UGT1A3: variants seen among roughly 807,000 people sequenced by gnomAD.
The protein encoded by UGT1A3 is UDP glucuronosyltransferase family 1 member A3, also known as UDP-glucuronosyltransferase 1A3.
Under a neutral mutation model 41.0 loss-of-function variants are expected in UGT1A3, and 31 were observed. That is an observed-to-expected ratio of 0.76 (90% CI 0.57 to 1.02). The LOEUF is 1.02. Ranked by LOEUF, UGT1A3 falls within the 50% of genes least tolerant of loss-of-function variation. UGT1A3 has a pLI of 0.00. For missense variants in UGT1A3, 737 were observed against 671.0 expected (o/e 1.10, Z -1.09); for synonymous variants, 262 against 257.6 (o/e 1.02, Z -0.17).
In UGT1A3 at chr2:233,768,364, G is replaced by C; in HGVS notation, c.1232G>C (p.Gly411Ala). ...AAGCGCATGGAGACTAAGGGAGCTG[G>C]AGTGACCCTGAATGTTCTGGAAATG... is the stretch of plus-strand genomic sequence containing the variant. ...NAKRMETKGAGVTLNVLEMTS... is the reference protein window; with the variant it reads ...NAKRMETKGAAVTLNVLEMTS... The change falls in exon 4 of 5, where the codon GGA (glycine) becomes GCA (alanine). Residue 411 changes from glycine (G) to alanine (A), a missense_variant. Physicochemically the swap from Gly to Ala is moderately conservative, Grantham distance 60. Transcript: ENST00000482026. 2 of 1,614,172 alleles carry C rather than the reference G, an allele frequency of 1.2e-6. No homozygotes were observed. The highest frequency in any genetic ancestry group is 1.7e-6 in the Non-Finnish European group (2 of 1,180,034).
chr2:233,753,461 T>C (rs1419895967), intron 1 of UGT1A3: 1 of 152,272 alleles, frequency 6.6e-6, no homozygotes, highest in Non-Finnish European at 1.5e-5. Context: ...ATGATTTTTC[T>C]GTAAAAAATT....
intron 1 of UGT1A3, among the ~76,000 whole-genome samples, chr2:233,748,701 G>A (rs1009365045): frequency 6.6e-6 from 1 of 151,652 alleles, no homozygotes; most frequent in Non-Finnish European, 1.5e-5. Context: ...TTCTGGTCAG[G>A]ATTTGGGGTC....
intron 1 of UGT1A3, chr2:233,754,945 G>A (rs1342760083): frequency 7.5e-7 from 1 of 1,327,414 alleles, no homozygotes; most frequent in Admixed American, 1.9e-5. Flanking sequence ...AAGGAGAATG[G>A]GTCCCGGCCG....
At position 233,729,225 on chromosome 2, in the gene UGT1A3, G is replaced by T; in HGVS notation, c.99G>T (p.Val33=). ...QPWAESGKVL[V]VPIDGSHWLS... ...GGGCTGAGAGTGGAAAGGTGTTGGT[G>T]GTGCCCATTGATGGCAGCCACTGGC... The change falls in exon 1 of 5, where the codon GTG becomes GTT. Residue 33 remains valine, a synonymous_variant. Coordinates refer to ENST00000482026, the MANE Select transcript of UGT1A3 (RefSeq NM_019093.4). 6.2e-7 allele frequency: 1 copy of T among 1,614,158 alleles called. No individual in the cohort carries two copies. Among genetic ancestry groups the T allele is most frequent in the South Asian group, 1.1e-5 (1 of 91,078 alleles).
chr2:233,752,703 T>C (rs538720487), intron 1 of UGT1A3, among the ~76,000 whole-genome samples: 5 of 152,298 alleles, frequency 3.3e-5, no homozygotes, highest in African/African-American at 7.2e-5. Context: ...TAGTGGGGTA[T>C]GATCTTGCCT....
intron 1 of UGT1A3, among the ~76,000 whole-genome samples, chr2:233,732,197 G>T (rs1458776605): frequency 6.6e-6 from 1 of 152,132 alleles, no homozygotes; most frequent in Non-Finnish European, 1.5e-5. Flanking sequence ...TTAGCCCTTT[G>T]TCAGATGGGT....
chr2:233,754,484 A>G (rs1052764550), intron 1 of UGT1A3: 3 of 358,432 alleles, frequency 8.4e-6, no homozygotes, highest in African/African-American at 2.1e-5. Context: ...TTCACTTTCA[A>G]TCCTAAAAAA....
rs192933567 is a variant in UGT1A3, at chr2:233,772,247, T to G, written c.1308-15T>G. On this transcript the variant is annotated splice_polypyrimidine_tract_variant and intron_variant, in intron 4 of 4. Transcript: ENST00000482026. ...ACAGGTGTTCCAGGCATAACGAAAC[T>G]GTCTTTGTGTTTAGTTACAAGGAGA... The G allele has an allele frequency of 2.9e-5, 47 of 1,614,208 alleles. No homozygotes were observed. The East Asian group carries it at 1.0e-3, about 35-fold the overall frequency.
At position 233,772,285 on chromosome 2, in the gene UGT1A3, T is replaced by C. The variant is rs758411577; in HGVS notation, c.1331T>C (p.Leu444Pro). The change falls in exon 5 of 5, where the codon CTC becomes CCC. Residue 444 changes from leucine to proline, a missense_variant. Leu to Pro is a moderately conservative substitution (Grantham distance 98). Coordinates refer to ENST00000482026, the MANE Select transcript of UGT1A3 (RefSeq NM_019093.4). ...DKSYKENIMRLSSLHKDRPVE... is the reference protein window; with the variant it reads ...DKSYKENIMRPSSLHKDRPVE... ...AGTTACAAGGAGAACATCATGCGCC[T>C]CTCCAGCCTTCACAAGGACCGCCCG... 3.1e-6 allele frequency: 5 copies of C among 1,614,220 alleles called. No individual in the cohort carries two copies. The highest frequency in any genetic ancestry group is 3.4e-6 in the Non-Finnish European group (4 of 1,180,040).
chr2:233,763,026 C>T (rs1324231755), intron 1 of UGT1A3, among the ~76,000 whole-genome samples: 1 of 152,138 alleles, frequency 6.6e-6, no homozygotes, highest in African/African-American at 2.4e-5. Flanking sequence ...TTATGTTAGC[C>T]ATTGTTTTCT....
At chr2:233,772,241 C>T (rs200350292) in intron 4 of UGT1A3, 21 bp from the exon 5 acceptor site, 139 of 1,614,076 alleles carry the variant, frequency 8.6e-5, no homozygotes, top group Admixed American at 1.2e-4. Flanking sequence ...CCAGGCATAA[C>T]GAAACTGTCT....
rs529213131 is a variant in UGT1A3 at position 233,729,547 on chromosome 2, C to A, written c.421C>A (p.Leu141Met). ...LLHNEALIRH[L>M]NATSFDVVLT... ...ACATAATGAGGCCCTGATCAGGCAC[C>A]TGAATGCTACTTCCTTTGATGTGGT... Residue 141 changes from leucine to methionine, a missense_variant, in exon 1 of 5, where the codon CTG becomes ATG. Leu to Met is a conservative substitution (Grantham distance 15). Coordinates refer to ENST00000482026, the MANE Select transcript of UGT1A3 (RefSeq NM_019093.4). 1 of 1,614,168 alleles carries A rather than the reference C, an allele frequency of 6.2e-7. No individual in the cohort carries two copies. The highest frequency in any genetic ancestry group is 1.1e-5 in the South Asian group (1 of 91,080).
At chr2:233,768,057 G>A in intron 3 of UGT1A3, 121 bp downstream of exon 3, 2 of 1,602,426 alleles carry the variant, frequency 1.2e-6, no homozygotes, top group Non-Finnish European at 1.7e-6. Flanking sequence ...ATCCTACATT[G>A]CTTTTTATCT....
In UGT1A3 at chr2:233,729,492, G is replaced by A. The variant is rs2077867797; in HGVS notation, c.366G>A (p.Leu122=). 1.6e-5 allele frequency: 26 copies of A among 1,614,172 alleles called. No individual in the cohort carries two copies. Among genetic ancestry groups the A allele is most frequent in the Non-Finnish European group, 2.0e-5 (24 of 1,180,028 alleles). ...RSMAMLNNMS[L]VYHRSCVELL... is the part of the protein sequence containing the mutation. ...TGGCAATGTTGAACAATATGTCTTT[G>A]GTCTATCATAGGTCTTGTGTGGAGC... Residue 122 remains leucine, a synonymous_variant, in exon 1 of 5, where the codon TTG becomes TTA. Transcript: ENST00000482026.
chr2:233,750,351 C>G (rs148166585), intron 1 of UGT1A3, among the ~76,000 whole-genome samples: 13 of 151,972 alleles, frequency 8.6e-5, no homozygotes, highest in African/African-American at 2.4e-4. Context: ...GAAATTGGAA[C>G]TTATGTTTAA....
At chr2:233,758,501 A>C (rs1213021180) in intron 1 of UGT1A3, among the ~76,000 whole-genome samples, 2 of 152,232 alleles carry the variant, frequency 1.3e-5, no homozygotes, top group Admixed American at 6.5e-5. Context: ...AGAATTTCTA[A>C]TAAGGACACA....
chr2:233,741,432 C>T (rs1352002109), intron 1 of UGT1A3: 1 of 151,408 alleles, frequency 6.6e-6, no homozygotes, highest in Non-Finnish European at 1.5e-5. Flanking sequence ...AGCAAACCTA[C>T]TCAGCAAACT....
chr2:233,738,808 A>G (rs1190321536), intron 1 of UGT1A3: 3 of 152,254 alleles, frequency 2.0e-5, no homozygotes, highest in South Asian at 4.1e-4. Flanking sequence ...TACTAGCTAA[A>G]GAAATTTGAA....
At chr2:233,745,293 G>A (rs759714451) in intron 1 of UGT1A3, among the ~76,000 whole-genome samples, 20 of 151,866 alleles carry the variant, frequency 1.3e-4, no homozygotes, top group African/African-American at 4.4e-4. Flanking sequence ...GGGGATAAAC[G>A]TGGGATGCAG....
Sources: gnomAD v4.1 joint callset for allele counts (sites outside exome capture counted in the v4.1 genomes callset) on GRCh38, gnomAD v4.1.1 for gene constraint, MANE v1.5 for transcripts, NCBI Gene and HGNC (gene_info 2026-07-23, HGNC 2026-07-21) for gene names.